Variants in MTO1 observed in about 807,000 individuals in gnomAD.
MTO1 encodes mitochondrial tRNA translation optimization 1, also known as 5-taurinomethyluridine-[tRNA] synthase subunit MTO1, mitochondrial.
A neutral mutation model predicts 71.6 loss-of-function variants in MTO1; 46 were observed. The ratio of observed to expected loss-of-function variants is 0.64; its 90% CI spans 0.51 to 0.82. The LOEUF (loss-of-function observed/expected upper bound fraction) is 0.82, where lower values mean the gene tolerates loss of function less well. Among genes scored for constraint, MTO1 ranks in the 40% least tolerant of loss-of-function variants. The pLI is 0.00. For synonymous variants in MTO1, 297 were observed against 312.1 expected, an observed-to-expected ratio of 0.95 and a Z score of 0.51; for missense variants, 773 against 867.5, an observed-to-expected ratio of 0.89 and a Z score of 1.37.
intron 3 of MTO1, among the ~76,000 whole-genome samples, chr6:73,468,552 G>A (rs1172585550): frequency 6.6e-6 from 1 of 152,020 alleles, no homozygotes; most frequent in Non-Finnish European, 1.5e-5. Flanking sequence ...GCATGGAAGT[G>A]TATTATGTTT....
At chr6:73,492,966 A>ATGTGTGTGTGTGTGTGTGTGTG (rs1161293835) in intron 10 of MTO1, among the ~76,000 whole-genome samples, 22 of 42,870 alleles carry the variant, frequency 5.1e-4, no homozygotes, top group African/African-American at 1.8e-3. Flanking sequence ...TATATATAAT[A>ATGTGTGTGTGTGTGTGTGTGTG]TATGTGTGTG....
At position 73,498,728 on chromosome 6, in the gene MTO1, C is replaced by T. The variant is rs187189190; in HGVS notation, c.1917+832C>T. Among the ~76,000 whole-genome samples the T allele has an allele frequency of 3.1e-3, 467 of 151,894 alleles. 4 individuals are homozygous for T. Among genetic ancestry groups the T allele is most frequent in the African/African-American group, 0.011 (443 of 41,466 alleles). ...CCACATTTTAACATCTCTAAAATTG[C>T]ATCTTTTTTTTTTTTGAAATGGAGT... On this transcript the variant is annotated intron_variant, in intron 11 of 11. Transcript: ENST00000498286.
intron 4 of MTO1, among the ~76,000 whole-genome samples, chr6:73,475,371 C>G (rs1771282958): frequency 6.6e-6 from 1 of 152,028 alleles, no homozygotes; most frequent in African/African-American, 2.4e-5. Flanking sequence ...CAGCCTCCGC[C>G]CCCTGGGTTC....
intron 10 of MTO1, among the ~76,000 whole-genome samples, chr6:73,493,354 A>ATGTGTGTGTGTGTGTG (rs144509962): frequency 7.9e-4 from 110 of 139,452 alleles, no homozygotes; most frequent in East Asian, 2.7e-3. Context: ...ATGTGCATGT[A>ATGTGTGTGTGTGTGTG]TGTGTGTGTG....
At chr6:73,474,246 G>A (rs972049018) in intron 4 of MTO1, among the ~76,000 whole-genome samples, 7 of 150,766 alleles carry the variant, frequency 4.6e-5, no homozygotes, top group Admixed American at 6.6e-5. Flanking sequence ...CACCACACCC[G>A]GCTAATTTTT....
At position 73,497,804 on chromosome 6, in the gene MTO1, C is replaced by T; in HGVS notation, c.1825C>T (p.Gln609Ter). The change falls in exon 11 of 12, where the codon CAA becomes TAA. Residue 609 changes from glutamine to a stop codon, truncating the protein, a stop_gained. Coordinates refer to ENST00000498286, the MANE Select transcript of MTO1 (RefSeq NM_012123.4). LOFTEE classifies it high-confidence loss of function. ...IKGVQQDEAL[Q>*]LPKDLDYLTI... The stretch of plus-strand genomic sequence containing the variant: ...GGGAGTTCAGCAAGATGAAGCTCTC[C>T]AACTGCCAAAAGACCTAGATTATTT... 1 of 1,613,808 alleles carries T rather than the reference C, an allele frequency of 6.2e-7. No homozygotes were observed. Among genetic ancestry groups the T allele is most frequent in the South Asian group, 1.1e-5 (1 of 91,074 alleles).
At chr6:73,482,664 A>G (rs909755377) in intron 9 of MTO1, 44 bp downstream of exon 9, 8 of 1,438,866 alleles carry the variant, frequency 5.6e-6, no homozygotes, top group Non-Finnish European at 7.5e-6. Flanking sequence ...TTATAGAAAA[A>G]TAAGATCATA....
rs1435036938 is a variant in MTO1 at position 73,503,843 on chromosome 6, C to A, written c.*3108C>A. 1 of 152,156 alleles carries A rather than the reference C, an allele frequency of 6.6e-6. No homozygotes were observed. The highest frequency in any genetic ancestry group is 1.9e-4 in the East Asian group (1 of 5,194). The allele number at this position is 152,156 out of a possible 1,614,324, so 9.4% of individuals were successfully genotyped here. ...CCTTGAAAATGAAGTTCCTTTATAG[C>A]CAAGAGCTTAAATTTTGTTACTGAT... On this transcript the variant is annotated 3_prime_UTR_variant, in exon 12 of 12. Coordinates refer to ENST00000498286, the MANE Select transcript of MTO1 (RefSeq NM_012123.4).
intron 6 of MTO1, 122 bp from the exon 7 acceptor site, chr6:73,480,553 A>G: frequency 7.9e-7 from 1 of 1,261,722 alleles, no homozygotes; most frequent in Non-Finnish European, 1.1e-6. Flanking sequence ...TACAGGTGTG[A>G]GCCACTGCTC....
At chr6:73,488,174 G>A (rs1404455290) in intron 9 of MTO1, among the ~76,000 whole-genome samples, 2 of 151,934 alleles carry the variant, frequency 1.3e-5, no homozygotes, top group Non-Finnish European at 2.9e-5. Flanking sequence ...TAAATCAGTT[G>A]TTTAGGTTTT....
chr6:73,473,960 A>AT (rs1273231041), intron 4 of MTO1, among the ~76,000 whole-genome samples: 4 of 151,654 alleles, frequency 2.6e-5, no homozygotes, highest in Non-Finnish European at 5.9e-5. Context: ...GCTTTTTAAA[A>AT]TTTTTTTGAG....
chr6:73,502,956 TG>T lies in MTO1; in HGVS notation c.*2225del, dbSNP rs2150047044. ...TGGGAGGTTCTTGACAGCTACAATT[TG>T]GGGCTAGTGACACTATACACATATA... On this transcript the variant is annotated 3_prime_UTR_variant, in exon 12 of 12. Transcript: ENST00000498286. 1 of 152,218 alleles carries T rather than the reference TG, an allele frequency of 6.6e-6. No individual in the cohort carries two copies. The highest frequency in any genetic ancestry group is 1.9e-4 in the East Asian group (1 of 5,184). The allele number at this position is 152,218 out of a possible 1,614,324, so 9.4% of individuals were successfully genotyped here. A position where few individuals can be genotyped will look rare whatever the true frequency, so the allele number is the denominator to read the frequency against.
At position 73,504,331 on chromosome 6, in the gene MTO1, A is replaced by G. The variant is rs1177595487; in HGVS notation, c.*3596A>G. On this transcript the variant is annotated 3_prime_UTR_variant, in exon 12 of 12. Coordinates refer to ENST00000498286, the MANE Select transcript of MTO1 (RefSeq NM_012123.4). ...GTTTTTGTAGATATGGGGTCTTACT[A>G]TGTTGCCCAGGCTGGTCTCAAAGTC... 5 of 152,246 alleles carry G rather than the reference A, an allele frequency of 3.3e-5. No individual in the cohort carries two copies. Among genetic ancestry groups the G allele is most frequent in the African/African-American group, 1.2e-4 (5 of 41,526 alleles). 9.4% of individuals were successfully genotyped at this position (152,246 alleles called of 1,614,324 possible).
intron 4 of MTO1, 78 bp downstream of exon 4, chr6:73,473,732 T>TG: frequency 7.8e-7 from 1 of 1,275,504 alleles, no homozygotes; most frequent in Non-Finnish European, 1.1e-6. Flanking sequence ...TTTTTTTTTT[T>TG]TTTTTTGGCA....
In MTO1 at chr6:73,504,136, AATG is replaced by A. The variant is rs1294667842; in HGVS notation, c.*3402_*3404del. ...TATTACACTTACTTCGTTCTACCTT[AATG>A]TTTTTATTTAGAGACAAGATCTCAC... On this transcript the variant is annotated 3_prime_UTR_variant, in exon 12 of 12. Transcript: ENST00000498286. 6.6e-6 allele frequency: 1 copy of A among 152,068 alleles called. No individual in the cohort carries two copies. Among genetic ancestry groups the A allele is most frequent in the Non-Finnish European group, 1.5e-5 (1 of 68,028 alleles). 9.4% of individuals were successfully genotyped at this position (152,068 alleles called of 1,614,324 possible).
intron 4 of MTO1, among the ~76,000 whole-genome samples, chr6:73,474,158 T>A (rs1241794751): frequency 6.6e-6 from 1 of 151,838 alleles, no homozygotes; most frequent in African/African-American, 2.4e-5. Flanking sequence ...AGTGGCACGA[T>A]CTCAGCTCAC....
chr6:73,469,412 T>C (rs948564911), intron 3 of MTO1, among the ~76,000 whole-genome samples: 3 of 147,460 alleles, frequency 2.0e-5, no homozygotes, highest in African/African-American at 7.5e-5. Context: ...ATCACTGAGG[T>C]CAGGAGTTTG....
chr6:73,482,617 T>C lies in MTO1; in HGVS notation c.1634T>C (p.Val545Ala). Reference protein sequence around the residue: ...ASISTSRSLPVRALDVLKYEE... With the variant: ...ASISTSRSLPARALDVLKYEE... Reference sequence around the variant, plus strand: ...ATAAGTACTAGTAGAAGTCTGCCTGTCAGGTATGCATTTTTAATATAGACC... The same window carrying C: ...ATAAGTACTAGTAGAAGTCTGCCTGCCAGGTATGCATTTTTAATATAGACC... Residue 545 changes from valine (V) to alanine (A), a missense_variant, in exon 9 of 12, where the codon GTC becomes GCC. By Grantham distance (64) the Val-to-Ala change is moderately conservative. Transcript: ENST00000498286. The C allele has an allele frequency of 1.9e-6, 3 of 1,594,366 alleles. No individual in the cohort carries two copies. The highest frequency in any genetic ancestry group is 2.6e-6 in the Non-Finnish European group (3 of 1,174,922).
intron 9 of MTO1, among the ~76,000 whole-genome samples, chr6:73,483,543 T>C (rs557585461): frequency 1.5e-4 from 23 of 152,254 alleles, no homozygotes; most frequent in Admixed American, 1.4e-3. Flanking sequence ...AAAGTTGTTA[T>C]CTGCTTTCTT....
Sources: gnomAD v4.1 joint callset for allele counts (sites outside exome capture counted in the v4.1 genomes callset) on GRCh38, gnomAD v4.1.1 for gene constraint, MANE v1.5 for transcripts, NCBI Gene and HGNC (gene_info 2026-07-23, HGNC 2026-07-21) for gene names.